Variants in CIROZ observed in about 807,000 individuals in gnomAD.
CIROZ encodes ciliated left-right organizer ZP-N domains-containing protein.
the CIROZ span, among the ~76,000 whole-genome samples, chr1:10,967,622 G>C: frequency 3.3e-5 from 5 of 152,152 alleles, no homozygotes; most frequent in Non-Finnish European, 5.9e-5. Context: ...TTTGTTCATT[G>C]CTGCATCTTT....
chr1:10,955,591 C>G, the CIROZ span, among the ~76,000 whole-genome samples: 1 of 152,040 alleles, frequency 6.6e-6, no homozygotes, highest in African/African-American at 2.4e-5. Context: ...GCCTGTAATC[C>G]CAGCACTTTG....
At chr1:10,947,664 C>T in the CIROZ span, 6 of 1,489,604 alleles carry the variant, frequency 4.0e-6, no homozygotes, top group Middle Eastern at 1.9e-4. Flanking sequence ...CATGGAGGCT[C>T]AGCGTGAGGG....
the CIROZ span, among the ~76,000 whole-genome samples, chr1:10,981,381 T>G: frequency 6.6e-6 from 1 of 151,780 alleles, no homozygotes; most frequent in Non-Finnish European, 1.5e-5. Context: ...GCCCAGGAGT[T>G]AAGAGATGAC....
the CIROZ span, among the ~76,000 whole-genome samples, chr1:10,975,383 C>T: frequency 1.1e-4 from 15 of 134,550 alleles, no homozygotes; most frequent in East Asian, 1.1e-3. Flanking sequence ...CCAGCCTGGG[C>T]GACAAGAGCT....
At chr1:10,979,813 G>A in the CIROZ span, among the ~76,000 whole-genome samples, 4 of 152,156 alleles carry the variant, frequency 2.6e-5, no homozygotes, top group African/African-American at 7.2e-5. Flanking sequence ...TTTGGGAAGC[G>A]GAGGCGGGCG....
At chr1:10,946,691 CT>C in the CIROZ span, 1 of 152,246 alleles carries the variant, frequency 6.6e-6, no homozygotes, top group Admixed American at 6.5e-5. Context: ...CTGGGGACAG[CT>C]GGGTCACTGA....
chr1:10,973,962 C>CCCCCCA, the CIROZ span, among the ~76,000 whole-genome samples: 60 of 151,584 alleles, frequency 4.0e-4, no homozygotes, highest in South Asian at 8.3e-4. Flanking sequence ...AAGGACCCCC[C>CCCCCCA]CCACCAAGTC....
At chr1:10,958,781 C>G in the CIROZ span, 1 of 1,613,142 alleles carries the variant, frequency 6.2e-7, no homozygotes, top group Non-Finnish European at 8.5e-7. Flanking sequence ...AGCAATGTCT[C>G]CTGCAAGCGG....
the CIROZ span, chr1:10,948,369 T>A: frequency 6.2e-7 from 1 of 1,613,530 alleles, no homozygotes. Flanking sequence ...CGCCAATGGC[T>A]GGAACTCCTC....
chr1:10,958,789 C>T, the CIROZ span: 42 of 1,611,404 alleles, frequency 2.6e-5, no homozygotes, highest in Non-Finnish European at 3.1e-5. Context: ...CTCCTGCAAG[C>T]GGTGAGCAAA....
chr1:10,967,352 C>A, the CIROZ span, among the ~76,000 whole-genome samples: 1 of 152,012 alleles, frequency 6.6e-6, no homozygotes, highest in Non-Finnish European at 1.5e-5. Context: ...ACTGGCTGTG[C>A]CCTCTGCCTG....
chr1:10,964,325 T>C, the CIROZ span: 1 of 1,535,502 alleles, frequency 6.5e-7, no homozygotes, highest in Non-Finnish European at 8.8e-7. Flanking sequence ...ATACAGTTAA[T>C]AGCCTGCAAT....
At chr1:10,962,123 T>G in the CIROZ span, among the ~76,000 whole-genome samples, 1 of 152,128 alleles carries the variant, frequency 6.6e-6, no homozygotes, top group East Asian at 1.9e-4. Context: ...AATCCAGCAC[T>G]TTGTTTGAGC....
At chr1:10,955,329 G>C in the CIROZ span, 2 of 680,618 alleles carry the variant, frequency 2.9e-6, no homozygotes, top group Non-Finnish European at 4.7e-6. Flanking sequence ...AAGTTACTTG[G>C]TGTCCTGGTA....
At chr1:10,964,035 G>T in the CIROZ span, 3 of 1,486,042 alleles carry the variant, frequency 2.0e-6, no homozygotes, top group Non-Finnish European at 2.7e-6. Context: ...ACGTCCTGTG[G>T]TGCAGGAGCC....
the CIROZ span, chr1:10,949,225 A>C: frequency 5.9e-6 from 1 of 170,496 alleles, no homozygotes; most frequent in Non-Finnish European, 1.2e-5. Context: ...CCCCATCTCA[A>C]AAAAAAAAAA....
the CIROZ span, chr1:10,970,194 C>A: frequency 9.1e-7 from 1 of 1,103,568 alleles, no homozygotes; most frequent in South Asian, 1.6e-5. Context: ...AGGAGCTCCT[C>A]TCAGCCTGGC....
the CIROZ span, chr1:10,949,093 G>A: frequency 1.7e-5 from 6 of 348,812 alleles, no homozygotes; most frequent in African/African-American, 8.5e-5. Flanking sequence ...GTGTGGTGGC[G>A]TGGGCCTGTA....
the CIROZ span, chr1:10,953,954 G>A: frequency 3.9e-6 from 6 of 1,538,482 alleles, no homozygotes; most frequent in South Asian, 2.5e-5. Context: ...CCAGGGCCAA[G>A]GAAAGAGGGT....
Sources: gnomAD v4.1 joint callset for allele counts (sites outside exome capture counted in the v4.1 genomes callset) on GRCh38, gnomAD v4.1.1 for gene constraint, MANE v1.5 for transcripts, NCBI Gene and HGNC (gene_info 2026-07-23, HGNC 2026-07-21) for gene names.